ME1: variants seen among roughly 807,000 people sequenced by gnomAD.
ME1 encodes NADP-dependent malic enzyme.
Under a neutral mutation model 66.4 loss-of-function variants are expected in ME1, and 74 were observed. That is an observed-to-expected ratio of 1.11 (90% CI 0.92 to 1.35). The LOEUF (loss-of-function observed/expected upper bound fraction) is 1.35, where lower values mean the gene tolerates loss of function less well. ME1 is among the 40% of genes most tolerant of loss of function. ME1 has a pLI of 0.00. For missense variants in ME1, 750 were observed against 694.1 expected, an observed-to-expected ratio of 1.08 and a Z score of -0.90; for synonymous variants, 251 against 235.6, an observed-to-expected ratio of 1.07 and a Z score of -0.60.
intron 12 of ME1, among the ~76,000 whole-genome samples, chr6:83,218,590 G>A (rs138425076): frequency 1.3e-3 from 198 of 152,218 alleles, no homozygotes; most frequent in African/African-American, 4.6e-3. Context: ...TGCATCCCTG[G>A]GGACCTGAAG....
chr6:83,254,128 T>G (rs554854405), intron 6 of ME1, among the ~76,000 whole-genome samples: 2 of 152,310 alleles, frequency 1.3e-5, no homozygotes, highest in South Asian at 4.1e-4. Flanking sequence ...GAACGAGTTT[T>G]AATGAATAGT....
chr6:83,301,906 A>G (rs1237178217), intron 6 of ME1, among the ~76,000 whole-genome samples: 1 of 152,168 alleles, frequency 6.6e-6, no homozygotes, highest in Non-Finnish European at 1.5e-5. Flanking sequence ...CATAGAGCTA[A>G]AAACATAACT....
intron 6 of ME1, among the ~76,000 whole-genome samples, chr6:83,267,897 A>G (rs1391625716): frequency 6.6e-6 from 1 of 152,214 alleles, no homozygotes; most frequent in Non-Finnish European, 1.5e-5. Context: ...GTCATTTATT[A>G]AAAGCCAATA....
intron 6 of ME1, among the ~76,000 whole-genome samples, chr6:83,257,209 AAAAT>A (rs1766790085): frequency 1.3e-5 from 2 of 151,454 alleles, no homozygotes; most frequent in South Asian, 4.1e-4. Flanking sequence ...AAATAAATAA[AAAAT>A]AAATAAAATT....
At chr6:83,349,482 T>C (rs1398304407) in intron 4 of ME1, among the ~76,000 whole-genome samples, 1 of 152,192 alleles carries the variant, frequency 6.6e-6, no homozygotes, top group Non-Finnish European at 1.5e-5. Flanking sequence ...ATACAAATTA[T>C]TATCTAGGCA....
chr6:83,222,354 T>A (rs1485495164), intron 12 of ME1, among the ~76,000 whole-genome samples: 1 of 152,174 alleles, frequency 6.6e-6, no homozygotes, highest in African/African-American at 2.4e-5. Flanking sequence ...TGACACCGGG[T>A]GCTAGCCACC....
intron 6 of ME1, among the ~76,000 whole-genome samples, chr6:83,306,452 C>G (rs1159619470): frequency 6.6e-6 from 1 of 151,876 alleles, no homozygotes; most frequent in Non-Finnish European, 1.5e-5. Flanking sequence ...CTATATAAAT[C>G]TCAATGTTTA....
At chr6:83,419,100 A>G (rs1250427888) in intron 1 of ME1, among the ~76,000 whole-genome samples, 1 of 149,874 alleles carries the variant, frequency 6.7e-6, no homozygotes, top group Non-Finnish European at 1.5e-5. Flanking sequence ...GTCCTAGTTA[A>G]CCAGGTAAGA....
At chr6:83,366,203 A>G (rs1014820510) in intron 3 of ME1, among the ~76,000 whole-genome samples, 1 of 152,164 alleles carries the variant, frequency 6.6e-6, no homozygotes, top group Non-Finnish European at 1.5e-5. Context: ...TGATGTTTTA[A>G]GGATTCATTT....
chr6:83,231,617 T>C (rs1313183621), intron 9 of ME1, among the ~76,000 whole-genome samples: 2 of 152,224 alleles, frequency 1.3e-5, no homozygotes, highest in African/African-American at 2.4e-5. Context: ...GGACTTCTAT[T>C]TTCTAGACTA....
At chr6:83,284,136 G>GA (rs1431553934) in intron 6 of ME1, among the ~76,000 whole-genome samples, 1 of 152,078 alleles carries the variant, frequency 6.6e-6, no homozygotes, top group Non-Finnish European at 1.5e-5. Flanking sequence ...AAAATCTAGA[G>GA]AAAATGGATA....
At chr6:83,405,870 C>G (rs1040769359) in intron 2 of ME1, among the ~76,000 whole-genome samples, 13 of 151,596 alleles carry the variant, frequency 8.6e-5, no homozygotes, top group African/African-American at 3.2e-4. Flanking sequence ...TACAGGCGCC[C>G]GCCACTATGC....
chr6:83,279,729 C>T (rs1767255127), intron 6 of ME1, among the ~76,000 whole-genome samples: 1 of 152,044 alleles, frequency 6.6e-6, no homozygotes, highest in Non-Finnish European at 1.5e-5. Context: ...GTAATAATGG[C>T]TGAGAATTTT....
At position 83,229,219 on chromosome 6, in the gene ME1, T is replaced by C. The variant is rs111707045; in HGVS notation, c.1027-288A>G. 8.7e-4 allele frequency: 416 copies of C among 479,784 alleles called. 5 individuals are homozygous for C. The highest frequency in any genetic ancestry group is 6.0e-3 in the African/African-American group (301 of 50,462). 29.7% of individuals were successfully genotyped at this position (479,784 alleles called of 1,614,324 possible). On this transcript the variant is annotated intron_variant, in intron 9 of 13. Transcript: ENST00000369705. Reference sequence around the variant, plus strand: ...TTTTACAGACATGTGAGAACTAGCATTAACAAATGGCCATGCAAAATATAA... The same window carrying C: ...TTTTACAGACATGTGAGAACTAGCACTAACAAATGGCCATGCAAAATATAA...
intron 1 of ME1, among the ~76,000 whole-genome samples, chr6:83,422,297 A>G (rs1284171307): frequency 6.6e-6 from 1 of 152,212 alleles, no homozygotes; most frequent in African/African-American, 2.4e-5. Context: ...AACCAAATTG[A>G]TATCGGAACC....
chr6:83,328,184 G>C (rs955157848), intron 5 of ME1, among the ~76,000 whole-genome samples: 6 of 152,124 alleles, frequency 3.9e-5, no homozygotes, highest in African/African-American at 1.4e-4. Flanking sequence ...GATGAAGCTG[G>C]AAACCATCAT....
At chr6:83,281,866 A>AT (rs1491181866) in intron 6 of ME1, among the ~76,000 whole-genome samples, 2 of 148,330 alleles carry the variant, frequency 1.3e-5, no homozygotes, top group Admixed American at 6.7e-5. Flanking sequence ...AAAAAAAAAA[A>AT]GAGAGAAAAA....
intron 6 of ME1, among the ~76,000 whole-genome samples, chr6:83,283,227 CAAA>C (rs71545854): frequency 3.8e-4 from 11 of 28,910 alleles, no homozygotes; most frequent in Admixed American, 4.3e-4. Flanking sequence ...GACTCCGTCT[CAAA>C]AAAAAAAAAA....
Position 83,398,469 on chromosome 6 carries a change from T to C in ME1, c.260A>G (p.Tyr87Cys), listed in dbSNP as rs755658172. 9 of 1,584,456 alleles carry C rather than the reference T, an allele frequency of 5.7e-6. No homozygotes were observed. Among genetic ancestry groups the C allele is most frequent in the Non-Finnish European group, 7.8e-6 (9 of 1,161,194 alleles). ...DLQDRNEKLF[Y>C]RVLTSDIEKF... Reference sequence around the variant, plus strand: ...CTCAATGTCAGATGTCAGCACTCTATAAAAGAGTTTTTCATTTCTATCTTG... The same window carrying C: ...CTCAATGTCAGATGTCAGCACTCTACAAAAGAGTTTTTCATTTCTATCTTG... Residue 87 changes from tyrosine (Y) to cysteine (C), a missense_variant, in exon 3 of 14, where the codon TAT (tyrosine) becomes TGT (cysteine). Physicochemically the swap from Tyr to Cys is radical, Grantham distance 194 (BLOSUM62 -2). Coordinates refer to ENST00000369705, the MANE Select transcript of ME1 (RefSeq NM_002395.6).
Sources: allele counts gnomAD v4.1 joint callset (sites outside exome capture counted in the v4.1 genomes callset), GRCh38; gene constraint gnomAD v4.1.1; transcripts MANE v1.5; gene names NCBI Gene and HGNC (gene_info 2026-07-23, HGNC 2026-07-21).